The following AFF1 variants were observed in gnomAD, a reference collection of about 807,000 sequenced individuals.
AFF1 encodes the protein ALF transcription elongation factor 1.
A neutral mutation model predicts 121.7 loss-of-function variants in AFF1; 48 were observed. The observed-to-expected ratio is 0.39, with a 90% CI of 0.31 to 0.50. The LOEUF (loss-of-function observed/expected upper bound fraction) is 0.50. Ranked by LOEUF, AFF1 falls within the 20% of genes least tolerant of loss-of-function variation. The pLI, the probability that AFF1 is intolerant of heterozygous loss-of-function variation, is 0.76. For missense variants in AFF1, 1,523 were observed against 1,511.7 expected (o/e 1.01, Z -0.12); for synonymous variants, 613 against 563.0 (o/e 1.09, Z -1.26).
chr4:87,030,134 T>TA (rs60463283), intron 2 of AFF1, among the ~76,000 whole-genome samples: 1,793 of 146,074 alleles, frequency 0.012, 23 homozygotes, highest in African/African-American at 0.034. Context: ...TAAATGAACT[T>TA]AAAAAAAAAA....
At chr4:86,997,844 C>T (rs768070162) in intron 2 of AFF1, among the ~76,000 whole-genome samples, 2 of 151,760 alleles carry the variant, frequency 1.3e-5, no homozygotes, top group Non-Finnish European at 2.9e-5. Flanking sequence ...CATGGTGGCT[C>T]ACGCCTGTAA....
rs542096487 is a variant in AFF1, at chr4:87,118,479, T to A, written c.2466+3180T>A. On this transcript the variant is annotated intron_variant, in intron 12 of 20. Coordinates refer to ENST00000395146, the MANE Select transcript of AFF1 (RefSeq NM_001166693.3). ...TCTAATACCAACTTATGTTTTCTTT[T>A]AAAATTTTTTTATTTTTAGCTTAGA... Among the ~76,000 whole-genome samples, 3 of 152,356 alleles carry A rather than the reference T, an allele frequency of 2.0e-5. No individual in the cohort carries two copies. In the South Asian group the frequency reaches 6.2e-4, roughly 32 times the overall value.
chr4:87,083,110 T>C (rs1380729046), intron 4 of AFF1, among the ~76,000 whole-genome samples: 2 of 152,190 alleles, frequency 1.3e-5, no homozygotes, highest in Non-Finnish European at 2.9e-5. Flanking sequence ...ATGTTCCATG[T>C]CTCTAGTTCA....
chr4:86,947,194 G>T (rs767502424), intron 1 of AFF1, among the ~76,000 whole-genome samples: 1 of 152,172 alleles, frequency 6.6e-6, no homozygotes, highest in Non-Finnish European at 1.5e-5. Context: ...CACTATTGCT[G>T]GTCAGAAGAG....
intron 2 of AFF1, among the ~76,000 whole-genome samples, chr4:87,017,109 T>G (rs1560542282): frequency 6.6e-6 from 1 of 150,642 alleles, no homozygotes; most frequent in Non-Finnish European, 1.5e-5. Context: ...GTGTTTTTTT[T>G]TTTTTTTTTT....
At chr4:87,132,713 C>T (rs1264498463) in intron 19 of AFF1, among the ~76,000 whole-genome samples, 2 of 152,132 alleles carry the variant, frequency 1.3e-5, no homozygotes, top group Non-Finnish European at 2.9e-5. Context: ...TTTTTTGAGA[C>T]AGAGTCTTGC....
intron 1 of AFF1, among the ~76,000 whole-genome samples, chr4:86,937,433 C>T (rs1033250268): frequency 1.3e-5 from 2 of 152,174 alleles, no homozygotes; most frequent in African/African-American, 4.8e-5. Context: ...TCTTCTGTTT[C>T]CTCTCCGGTT....
intron 2 of AFF1, among the ~76,000 whole-genome samples, chr4:87,029,639 C>T (rs1359924843): frequency 2.0e-5 from 3 of 152,148 alleles, no homozygotes; most frequent in African/African-American, 7.2e-5. Flanking sequence ...AGAGTGTCTC[C>T]TAGTGTTTCC....
intron 5 of AFF1, among the ~76,000 whole-genome samples, chr4:87,085,751 CT>C (rs200938461): frequency 1.2e-3 from 160 of 139,038 alleles, no homozygotes; most frequent in South Asian, 1.4e-3. Flanking sequence ...AGAAACATAC[CT>C]TTTTTTTTTT....
At chr4:87,011,239 A>C (rs1010241703) in intron 2 of AFF1, among the ~76,000 whole-genome samples, 3 of 152,136 alleles carry the variant, frequency 2.0e-5, no homozygotes, top group African/African-American at 7.2e-5. Context: ...AGCTTCTCAA[A>C]AGAAAGGATT....
intron 12 of AFF1, among the ~76,000 whole-genome samples, chr4:87,120,766 C>T (rs898091085): frequency 6.6e-6 from 1 of 152,230 alleles, no homozygotes; most frequent in African/African-American, 2.4e-5. Context: ...CTCCCATCTT[C>T]CTTCACAGCC....
At chr4:86,977,754 C>A (rs976977807) in intron 2 of AFF1, among the ~76,000 whole-genome samples, 2 of 152,210 alleles carry the variant, frequency 1.3e-5, no homozygotes, top group African/African-American at 2.4e-5. Flanking sequence ...AACACTGGCA[C>A]ATACTGGGCA....
chr4:86,991,837 T>C (rs1021920132), intron 2 of AFF1, among the ~76,000 whole-genome samples: 2 of 146,788 alleles, frequency 1.4e-5, no homozygotes, highest in African/African-American at 5.3e-5. Context: ...CAAATTGCTT[T>C]TTTTTTTTTT....
At chr4:87,080,813 A>G (rs1358472531) in intron 4 of AFF1, among the ~76,000 whole-genome samples, 1 of 152,220 alleles carries the variant, frequency 6.6e-6, no homozygotes, top group Non-Finnish European at 1.5e-5. Context: ...AACAAATCCA[A>G]AAGATCTGTC....
Position 87,105,849 on chromosome 4 carries a change from C to T in AFF1, c.1376+4C>T. The stretch of plus-strand genomic sequence containing the variant: ...CCTCCTCATCTGCACCTCCAAGGTA[C>T]CGTGTGGGTTTCTCCCCATCTGTAC... On this transcript the variant is annotated splice_donor_region_variant and intron_variant, in intron 10 of 20. Coordinates refer to ENST00000395146, the MANE Select transcript of AFF1 (RefSeq NM_001166693.3). 6.2e-7 allele frequency: 1 copy of T among 1,614,078 alleles called. No individual in the cohort carries two copies.
At chr4:87,024,909 A>G (rs1728376691) in intron 2 of AFF1, among the ~76,000 whole-genome samples, 1 of 152,170 alleles carries the variant, frequency 6.6e-6, no homozygotes, top group South Asian at 2.1e-4. Context: ...CCTGATCCCT[A>G]TCCTGCTTCT....
rs777018682 is a variant in AFF1, at chr4:87,114,624, A to G, written c.1791A>G (p.Ala597=). The G allele has an allele frequency of 1.6e-5, 21 of 1,352,192 alleles. No homozygotes were observed. Among genetic ancestry groups the G allele is most frequent in the Non-Finnish European group, 1.9e-5 (19 of 1,020,464 alleles). The allele number at this position is 1,352,192 out of a possible 1,614,324, so 83.8% of individuals were successfully genotyped here. A position where few individuals can be genotyped will look rare whatever the true frequency, so the allele number is the denominator to read the frequency against. The stretch of plus-strand genomic sequence containing the variant: ...AGAGGAGCTGTCAGAAGTCTCCGGC[A>G]CAGCAGGAGCCCCCACAAAGGCAAA... ...PGKRSCQKSP[A]QQEPPQRQTV... Residue 597 remains alanine, a synonymous_variant, in exon 12 of 21, where the codon GCA becomes GCG. Transcript: ENST00000395146.
At chr4:87,004,059 C>T (rs761503633) in intron 2 of AFF1, among the ~76,000 whole-genome samples, 2 of 152,152 alleles carry the variant, frequency 1.3e-5, no homozygotes, top group African/African-American at 2.4e-5. Flanking sequence ...TATTGAAATG[C>T]GTATTCCTGG....
Position 86,951,615 on chromosome 4 carries a change from C to CTTTTTTTTTTTT in AFF1, c.38+3051_38+3052insTTTTTTTTTTTT, listed in dbSNP as rs748093135. Among the ~76,000 whole-genome samples the CTTTTTTTTTTTT allele has an allele frequency of 6.1e-4, 76 of 124,932 alleles. 1 individual carries two copies. The highest frequency in any genetic ancestry group is 4.0e-3 in the Middle Eastern group (1 of 252). The allele number at this position is 124,932 out of a possible 152,430, so 82.0% of individuals were successfully genotyped here. On this transcript the variant is annotated intron_variant, in intron 2 of 20. Coordinates refer to ENST00000395146, the MANE Select transcript of AFF1 (RefSeq NM_001166693.3). ...GAACTTTTTTTTCTTTTTCTTTTTT[C>CTTTTTTTTTTTT]TTTTTTTCTTTTTTTTTTTTTTTTT...
Sources: gnomAD v4.1 joint callset for allele counts (sites outside exome capture counted in the v4.1 genomes callset) on GRCh38, gnomAD v4.1.1 for gene constraint, MANE v1.5 for transcripts, NCBI Gene and HGNC (gene_info 2026-07-23, HGNC 2026-07-21) for gene names.